Variants in GRIK4 observed in about 807,000 individuals in gnomAD.
GRIK4 encodes glutamate ionotropic receptor kainate type subunit 4, also known as glutamate receptor ionotropic, kainate 4.
In GRIK4, 40 loss-of-function variants were observed where a neutral mutation model predicts 104.9. The ratio of observed to expected loss-of-function variants is 0.38; its 90% CI spans 0.30 to 0.50. The LOEUF is 0.50. Among genes scored for constraint, GRIK4 ranks in the 20% least tolerant of loss-of-function variants. GRIK4 has a pLI of 0.93. For synonymous variants in GRIK4, 485 were observed against 524.9 expected (o/e 0.92, Z 1.04); for missense variants, 1,047 against 1,308.1 (o/e 0.80, Z 3.08).
At chr11:120,708,217 G>C (rs544543459) in intron 3 of GRIK4, among the ~76,000 whole-genome samples, 1 of 152,308 alleles carries the variant, frequency 6.6e-6, no homozygotes, top group East Asian at 1.9e-4. Context: ...AATGGGACAA[G>C]GATAAGATGC....
At chr11:120,848,097 C>T (rs1335401663) in intron 8 of GRIK4, among the ~76,000 whole-genome samples, 1 of 152,190 alleles carries the variant, frequency 6.6e-6, no homozygotes, top group Admixed American at 6.5e-5. Context: ...GCCTTCTCAC[C>T]CTGAGATCCA....
At chr11:120,616,679 G>A (rs529736854) in intron 1 of GRIK4, among the ~76,000 whole-genome samples, 9 of 152,280 alleles carry the variant, frequency 5.9e-5, no homozygotes, top group South Asian at 4.2e-4. Flanking sequence ...CAAAGGTGTC[G>A]GAAAACCAAA....
At chr11:120,718,267 C>T (rs928422818) in intron 3 of GRIK4, among the ~76,000 whole-genome samples, 2 of 151,752 alleles carry the variant, frequency 1.3e-5, no homozygotes, top group African/African-American at 4.9e-5. Flanking sequence ...CTCCTCTCCC[C>T]GTCTTTACCC....
chr11:120,671,930 G>A (rs1157323016), intron 3 of GRIK4, among the ~76,000 whole-genome samples: 1 of 152,134 alleles, frequency 6.6e-6, no homozygotes, highest in Non-Finnish European at 1.5e-5. Flanking sequence ...AAGGTGAGAT[G>A]GTTGTAGACG....
intron 11 of GRIK4, among the ~76,000 whole-genome samples, chr11:120,896,112 G>A (rs1942573099): frequency 6.6e-6 from 1 of 151,052 alleles, no homozygotes; most frequent in Non-Finnish European, 1.5e-5. Context: ...TATAAGACCA[G>A]CACCTGCTGT....
At chr11:120,857,307 A>G (rs936513141) in intron 8 of GRIK4, among the ~76,000 whole-genome samples, 21 of 152,316 alleles carry the variant, frequency 1.4e-4, no homozygotes, top group Admixed American at 3.3e-4. Flanking sequence ...GACATTGGAC[A>G]TGGCACGTCT....
rs1012966476 is a variant in GRIK4, at chr11:120,524,067, C to T, written c.-159+12180C>T. Reference sequence around the variant, plus strand: ...TCAGCCTCCCGAGTAGCTGGGACTACAGGCGCACACCACCATGCCTGGCTA... The same window carrying T: ...TCAGCCTCCCGAGTAGCTGGGACTATAGGCGCACACCACCATGCCTGGCTA... On this transcript the variant is annotated intron_variant, in intron 1 of 20. Transcript: ENST00000527524. This position sits in a 1 kb window ranked among gnomAD's most constrained non-coding sequence, Gnocchi z 4.5. 1.3e-5 allele frequency among the ~76,000 whole-genome samples: 2 copies of T among 152,234 alleles called. No individual in the cohort carries two copies. Among genetic ancestry groups the T allele is most frequent in the African/African-American group, 4.8e-5 (2 of 41,538 alleles).
At chr11:120,820,087 G>A (rs1037757712) in intron 6 of GRIK4, among the ~76,000 whole-genome samples, 167 bp downstream of exon 6, 3 of 69,062 alleles carry the variant, frequency 4.3e-5, no homozygotes, top group East Asian at 5.5e-4. Flanking sequence ...GTGTCCGTGT[G>A]TGTGTGTGTG....
chr11:120,883,165 A>G (rs1296424871), intron 11 of GRIK4, among the ~76,000 whole-genome samples: 1 of 152,132 alleles, frequency 6.6e-6, no homozygotes, highest in Non-Finnish European at 1.5e-5. Flanking sequence ...TGGTGTGTGC[A>G]CAGCCCACCT....
At position 120,511,828 on chromosome 11, in the gene GRIK4, C is replaced by A; in HGVS notation, c.-218C>A. ...GAGGAAAAACGGCCAACAGCAGCCC[C>A]GCGGCCGGCCCGGCAGCGCCCGGCC... On this transcript the variant is annotated 5_prime_UTR_variant, in exon 1 of 21. Transcript: ENST00000527524. The A allele has an allele frequency of 2.8e-6, 1 of 358,320 alleles. No homozygotes were observed. The highest frequency in any genetic ancestry group is 1.9e-5 in the South Asian group (1 of 53,666). 22.2% of individuals were successfully genotyped at this position (358,320 alleles called of 1,614,324 possible).
intron 3 of GRIK4, among the ~76,000 whole-genome samples, chr11:120,760,816 T>A (rs1302332015): frequency 6.6e-6 from 1 of 152,222 alleles, no homozygotes; most frequent in Non-Finnish European, 1.5e-5. Context: ...ATGGTGTATA[T>A]GTGCCACATT....
intron 3 of GRIK4, among the ~76,000 whole-genome samples, chr11:120,674,913 G>A (rs1461826708): frequency 6.6e-6 from 1 of 152,218 alleles, no homozygotes; most frequent in Non-Finnish European, 1.5e-5. Context: ...ATGCAGCCTG[G>A]AGAAGAGGGA....
chr11:120,772,016 G>A (rs888594536), intron 3 of GRIK4, among the ~76,000 whole-genome samples: 1 of 152,198 alleles, frequency 6.6e-6, no homozygotes, highest in African/African-American at 2.4e-5. Context: ...AACCTCTGAG[G>A]GCTATAGTGT....
intron 3 of GRIK4, among the ~76,000 whole-genome samples, chr11:120,698,514 C>G (rs1161872887): frequency 6.6e-6 from 1 of 152,228 alleles, no homozygotes; most frequent in African/African-American, 2.4e-5. Flanking sequence ...GATGCAGTAT[C>G]TTTAAGTTCT....
At chr11:120,580,633 A>G (rs1410161061) in intron 1 of GRIK4, among the ~76,000 whole-genome samples, 4 of 151,858 alleles carry the variant, frequency 2.6e-5, no homozygotes, top group African/African-American at 4.8e-5. Flanking sequence ...CAGTGGTACA[A>G]TCATAGTTCC....
At chr11:120,863,282 T>C (rs1223210965) in intron 9 of GRIK4, among the ~76,000 whole-genome samples, 1 of 152,234 alleles carries the variant, frequency 6.6e-6, no homozygotes, top group East Asian at 1.9e-4. Context: ...TGTTTAGATA[T>C]GCAAATACTT....
At chr11:120,551,164 A>C (rs1189512613) in intron 1 of GRIK4, among the ~76,000 whole-genome samples, 3 of 152,112 alleles carry the variant, frequency 2.0e-5, no homozygotes, top group African/African-American at 7.2e-5. Context: ...GAGTGAGGGA[A>C]GCCGGTAGAT....
At chr11:120,539,438 T>C (rs1948010171) in intron 1 of GRIK4, among the ~76,000 whole-genome samples, 1 of 152,224 alleles carries the variant, frequency 6.6e-6, no homozygotes, top group Non-Finnish European at 1.5e-5. Context: ...CATGATCTTA[T>C]TTGCTTTTCA....
intron 14 of GRIK4, among the ~76,000 whole-genome samples, chr11:120,951,348 A>AAAT (rs1435282599): frequency 4.6e-5 from 7 of 152,186 alleles, no homozygotes; most frequent in African/African-American, 1.7e-4. Flanking sequence ...AGCTATTGCT[A>AAAT]CTTGGAGTTT....
Sources: gnomAD v4.1 joint callset for allele counts (sites outside exome capture counted in the v4.1 genomes callset) on GRCh38, gnomAD v4.1.1 for gene constraint, Gnocchi (gnomAD v3.1) non-coding constraint, MANE v1.5 for transcripts, NCBI Gene and HGNC (gene_info 2026-07-23, HGNC 2026-07-21) for gene names.